Variants in HS6ST2 observed in about 807,000 individuals in gnomAD.
The protein encoded by HS6ST2 is heparan sulfate 6-O-sulfotransferase 2.
A neutral mutation model predicts 33.0 loss-of-function variants in HS6ST2; 17 were observed. That is an observed-to-expected ratio of 0.52 (90% CI 0.35 to 0.77). The LOEUF (loss-of-function observed/expected upper bound fraction) is 0.77. HS6ST2 is among the 30% of genes least tolerant of loss of function. The pLI is 0.01. For missense variants in HS6ST2, 519 were observed against 551.7 expected, an observed-to-expected ratio of 0.94 and a Z score of 0.59; for synonymous variants, 248 against 237.1, an observed-to-expected ratio of 1.05 and a Z score of -0.42.
intron 2 of HS6ST2, among the ~76,000 whole-genome samples, chrX:132,899,967 C>T (rs769122711): frequency 3.6e-5 from 4 of 110,629 alleles, no homozygotes; most frequent in Non-Finnish European, 5.7e-5. Flanking sequence ...AAAAAAAAAA[C>T]TGTCTTTCAA....
At chrX:132,740,419 A>G (rs927649623) in intron 2 of HS6ST2, among the ~76,000 whole-genome samples, 2 of 111,234 alleles carry the variant, frequency 1.8e-5, no homozygotes, top group Non-Finnish European at 3.8e-5. Flanking sequence ...AATGAGCTGA[A>G]CCCCATCAGT....
intron 2 of HS6ST2, among the ~76,000 whole-genome samples, chrX:132,909,360 G>C (rs2066509603): frequency 8.9e-6 from 1 of 111,811 alleles, no homozygotes; most frequent in South Asian, 3.8e-4. Flanking sequence ...TCAACTGTCA[G>C]CTCCACACGG....
chrX:132,838,782 T>TA (rs1173822411), intron 2 of HS6ST2, among the ~76,000 whole-genome samples: 25 of 109,141 alleles, frequency 2.3e-4, no homozygotes, highest in Non-Finnish European at 4.0e-4. Flanking sequence ...TATTTTTTTT[T>TA]AAAAAAACAC....
chrX:132,891,417 G>A (rs1346307823), intron 2 of HS6ST2, among the ~76,000 whole-genome samples: 1 of 107,035 alleles, frequency 9.3e-6, no homozygotes. Context: ...TAAGTTTTAG[G>A]GTACATGTGC....
intron 4 of HS6ST2, among the ~76,000 whole-genome samples, chrX:132,650,741 ATCTCTC>A (rs3066707): frequency 0.15 from 13,493 of 87,266 alleles, 739 homozygotes; most frequent in Non-Finnish European, 0.18. Context: ...CATAGGAGGG[ATCTCTC>A]TCTCTCTCTC....
At chrX:132,720,360 T>C (rs142591094) in intron 2 of HS6ST2, among the ~76,000 whole-genome samples, 1 of 111,024 alleles carries the variant, frequency 9.0e-6, no homozygotes, top group Non-Finnish European at 1.9e-5. Flanking sequence ...CCCACTGACA[T>C]ACATTCTGAT....
intron 2 of HS6ST2, among the ~76,000 whole-genome samples, chrX:132,812,408 T>TAATAATAAC (rs371137044): frequency 0.071 from 4,906 of 69,180 alleles, 153 homozygotes; most frequent in African/African-American, 0.11. Flanking sequence ...CTGTCTCAAA[T>TAATAATAAC]AATAATAATA....
At chrX:132,955,647 T>C (rs749722570) in intron 2 of HS6ST2, among the ~76,000 whole-genome samples, 5 of 111,719 alleles carry the variant, frequency 4.5e-5, no homozygotes, top group African/African-American at 1.6e-4. Flanking sequence ...ACTCACCTTG[T>C]GCACCCCCTG....
Position 132,804,999 on chromosome X carries a change from T to C in HS6ST2, c.948-96505A>G, listed in dbSNP as rs764871728. Among the ~76,000 whole-genome samples the C allele has an allele frequency of 7.2e-5, 8 of 111,078 alleles. No individual in the cohort carries two copies. In the South Asian group the frequency reaches 3.1e-3, roughly 43 times the overall value. ...GGAAATTCTGATATATATACATGTA[T>C]ATATATAGCTACCAACTGCCACTGT... On this transcript the variant is annotated intron_variant, in intron 2 of 4. Transcript: ENST00000370833.
At chrX:132,712,008 G>A (rs1441003074) in intron 2 of HS6ST2, among the ~76,000 whole-genome samples, 1 of 111,613 alleles carries the variant, frequency 9.0e-6, no homozygotes, top group Non-Finnish European at 1.9e-5. Context: ...CTAGAGAGAA[G>A]GAAGTTGTTA....
rs200650531 is a variant in HS6ST2 at position 132,958,548 on chromosome X, G to A, written c.55C>T (p.Arg19Ter). Residue 19 changes from arginine (R) to a stop codon, truncating the protein, a stop_gained, in exon 1 of 5, where the codon CGA becomes TGA. Transcript: ENST00000370833. LOFTEE classifies it high-confidence loss of function. ...REFEPPRQPERGAPVRTTCPR... is the reference protein window; with the variant it reads ...REFEPPRQPE ...CAGGTGGTGCGGACGGGCGCTCCTCGCTCCGGTTGCCGCGGCGGCTCGAAC... is the reference window on the plus strand; with the variant it reads ...CAGGTGGTGCGGACGGGCGCTCCTCACTCCGGTTGCCGCGGCGGCTCGAAC... The A allele has an allele frequency of 8.5e-7, 1 of 1,181,633 alleles. No individual in the cohort carries two copies. The highest frequency in any genetic ancestry group is 1.8e-5 in the African/African-American group (1 of 56,604).
intron 2 of HS6ST2, among the ~76,000 whole-genome samples, chrX:132,814,224 G>A (rs919362832): frequency 8.9e-6 from 1 of 112,248 alleles, no homozygotes; most frequent in Non-Finnish European, 1.9e-5. Flanking sequence ...GATTATAGGC[G>A]TGAGCCACCG....
At chrX:132,823,651 T>C (rs1248171226) in intron 2 of HS6ST2, among the ~76,000 whole-genome samples, 1 of 102,398 alleles carries the variant, frequency 9.8e-6, no homozygotes, top group Non-Finnish European at 2.0e-5. Flanking sequence ...AGGTTGGGAG[T>C]TCGAGACCAG....
At chrX:132,664,571 AC>A (rs780891875) in intron 4 of HS6ST2, among the ~76,000 whole-genome samples, 123 of 111,369 alleles carry the variant, frequency 1.1e-3, no homozygotes, top group African/African-American at 3.8e-3. Context: ...CCTTCTGTAC[AC>A]CTTCTTTTTC....
chrX:132,681,564 C>CA (rs2063971205), intron 3 of HS6ST2, among the ~76,000 whole-genome samples: 1 of 111,671 alleles, frequency 9.0e-6, no homozygotes, highest in Admixed American at 9.5e-5. Flanking sequence ...GCAGGAGGAT[C>CA]AATTGAGGCC....
intron 2 of HS6ST2, among the ~76,000 whole-genome samples, chrX:132,920,053 C>T (rs149525932): frequency 9.0e-6 from 1 of 111,572 alleles, no homozygotes; most frequent in South Asian, 3.8e-4. Flanking sequence ...GCATTCTCCC[C>T]TGAATGAAGC....
chrX:132,915,921 G>C (rs1268601574), intron 2 of HS6ST2, among the ~76,000 whole-genome samples: 3 of 107,904 alleles, frequency 2.8e-5, no homozygotes, highest in African/African-American at 1.0e-4. Context: ...TTTTAGTAGA[G>C]ACAGGGTTTC....
At chrX:132,904,231 G>A (rs1231574086) in intron 2 of HS6ST2, among the ~76,000 whole-genome samples, 4 of 112,145 alleles carry the variant, frequency 3.6e-5, no homozygotes, top group African/African-American at 3.2e-5. Context: ...TCATATAAAT[G>A]GAGTTATATT....
At position 132,732,480 on chromosome X, in the gene HS6ST2, G is replaced by A. The variant is rs180692748; in HGVS notation, c.948-23986C>T. Among the ~76,000 whole-genome samples, 19 of 111,762 alleles carry A rather than the reference G, an allele frequency of 1.7e-4. No individual in the cohort carries two copies. The East Asian group carries it at 3.4e-3, about 20-fold the overall frequency. On this transcript the variant is annotated intron_variant, in intron 2 of 4. Coordinates refer to ENST00000370833, the MANE Select transcript of HS6ST2 (RefSeq NM_001394073.1). Reference sequence around the variant, plus strand: ...ATACTGCTTGATACCGTTTGGCCGTGTTCCCATCCAAATCTCACCTTGAAT... The same window carrying A: ...ATACTGCTTGATACCGTTTGGCCGTATTCCCATCCAAATCTCACCTTGAAT...
Sources: allele counts gnomAD v4.1 joint callset (sites outside exome capture counted in the v4.1 genomes callset), GRCh38; gene constraint gnomAD v4.1.1; transcripts MANE v1.5; gene names NCBI Gene and HGNC (gene_info 2026-07-23, HGNC 2026-07-21).